The following MCC variants were observed in gnomAD, a reference collection of about 807,000 sequenced individuals.
MCC encodes the protein colorectal mutant cancer protein.
In MCC, 90 loss-of-function variants were observed where a neutral mutation model predicts 116.2. That is an observed-to-expected ratio of 0.77 (90% confidence interval 0.65 to 0.92). MCC has a LOEUF of 0.92. MCC is among the 40% of genes least tolerant of loss of function. MCC has a pLI of 0.00. For synonymous variants in MCC, 578 were observed against 510.5 expected, an observed-to-expected ratio of 1.13 and a Z score of -1.78; for missense variants, 1,516 against 1,312.2, an observed-to-expected ratio of 1.16 and a Z score of -2.40.
chr5:113,054,708 C>T (rs767905771), intron 14 of MCC, among the ~76,000 whole-genome samples: 20 of 152,168 alleles, frequency 1.3e-4, no homozygotes, highest in South Asian at 2.1e-4. Context: ...ATAGTGTTCA[C>T]TATAGGGACT....
At chr5:113,270,568 C>T (rs373911868) in intron 3 of MCC, among the ~76,000 whole-genome samples, 8 of 150,734 alleles carry the variant, frequency 5.3e-5, no homozygotes, top group African/African-American at 1.7e-4. Flanking sequence ...GTCCCCTTTG[C>T]ACCCACTGCA....
Position 113,104,080 on chromosome 5 carries a change from T to C in MCC, c.1191+112A>G, listed in dbSNP as rs762967480. ...GGCTCAATCTATTGTATGGCTCTCA[T>C]GGAAACATTCATCCCTAGTAAGTAT... On this transcript the variant is annotated intron_variant, in intron 7 of 18. Coordinates refer to ENST00000408903, the MANE Select transcript of MCC (RefSeq NM_001085377.2). The C allele has an allele frequency of 3.5e-6, 4 of 1,133,070 alleles. No homozygotes were observed. In the South Asian group the frequency reaches 5.3e-5, roughly 15 times the overall value. The allele number at this position is 1,133,070 out of a possible 1,614,324, so 70.2% of individuals were successfully genotyped here.
At chr5:113,116,278 A>G (rs1316061140) in intron 6 of MCC, among the ~76,000 whole-genome samples, 2 of 152,158 alleles carry the variant, frequency 1.3e-5, no homozygotes, top group Non-Finnish European at 1.5e-5. Context: ...GATCTGCAAA[A>G]TATTTTCTCA....
Position 113,104,554 on chromosome 5 carries a change from G to C in MCC, c.1028-199C>G, listed in dbSNP as rs532892207. The C allele has an allele frequency of 8.5e-4, 371 of 433,992 alleles. 2 individuals are homozygous for C. The highest frequency in any genetic ancestry group is 1.2e-4 in the Non-Finnish European group (29 of 246,258). 26.9% of individuals were successfully genotyped at this position (433,992 alleles called of 1,614,324 possible). ...AAGCTCTTTTTATTAAAGAGTTTCA[G>C]ATGATGGTCATTTTCTGAATTCTCT... On this transcript the variant is annotated intron_variant, in intron 6 of 18. Coordinates refer to ENST00000408903, the MANE Select transcript of MCC (RefSeq NM_001085377.2).
At chr5:113,440,702 T>A (rs1021903994) in intron 1 of MCC, among the ~76,000 whole-genome samples, 1 of 151,934 alleles carries the variant, frequency 6.6e-6, no homozygotes, top group Non-Finnish European at 1.5e-5. Flanking sequence ...GATGTCTATA[T>A]CCTTTAAGGG....
intron 8 of MCC, among the ~76,000 whole-genome samples, chr5:113,091,946 G>A (rs1361503832): frequency 1.3e-5 from 2 of 152,064 alleles, no homozygotes; most frequent in Non-Finnish European, 2.9e-5. Context: ...ATGGGATAGA[G>A]GCATCTCAGG....
intron 5 of MCC, among the ~76,000 whole-genome samples, chr5:113,132,083 C>CA (rs1758465379): frequency 7.0e-6 from 1 of 142,476 alleles, no homozygotes; most frequent in African/African-American, 2.9e-5. Flanking sequence ...GGGATATAAG[C>CA]GTTTTTTTAA....
At chr5:113,164,883 T>C (rs535188802) in intron 3 of MCC, among the ~76,000 whole-genome samples, 47 of 152,310 alleles carry the variant, frequency 3.1e-4, no homozygotes, top group African/African-American at 1.0e-3. Context: ...GGAGTTTCAG[T>C]GGGATCCCCA....
In MCC at chr5:113,078,180, A is replaced by G. The variant is rs6866429; in HGVS notation, c.1784+4680T>C. On this transcript the variant is annotated intron_variant, in intron 11 of 18. Coordinates refer to ENST00000408903, the MANE Select transcript of MCC (RefSeq NM_001085377.2). ...AATAATTAATAGCCTATCAACCAAA[A>G]GAAGTCCAGGACCAGACAGATTCAC... Among the ~76,000 whole-genome samples, 55 of 152,344 alleles carry G rather than the reference A, an allele frequency of 3.6e-4. 2 individuals carry two copies. Among genetic ancestry groups the G allele is most frequent in the African/African-American group, 1.3e-3 (52 of 41,574 alleles).
chr5:113,172,114 GAC>G (rs1379003068), intron 3 of MCC, among the ~76,000 whole-genome samples: 3 of 152,174 alleles, frequency 2.0e-5, no homozygotes, highest in Non-Finnish European at 4.4e-5. Context: ...AGAGAAAAGA[GAC>G]ACATACCAAT....
chr5:113,246,032 C>T (rs1466833870), intron 3 of MCC, among the ~76,000 whole-genome samples: 1 of 151,984 alleles, frequency 6.6e-6, no homozygotes, highest in Non-Finnish European at 1.5e-5. Flanking sequence ...AAATATTTCC[C>T]GAGGGGAAGA....
intron 1 of MCC, among the ~76,000 whole-genome samples, chr5:113,469,325 T>C (rs1387782820): frequency 3.9e-5 from 6 of 152,202 alleles, no homozygotes; most frequent in Non-Finnish European, 8.8e-5. Flanking sequence ...CGTTTAGTGC[T>C]AGAAATTTCC....
chr5:113,158,995 A>G (rs752955669), intron 3 of MCC, among the ~76,000 whole-genome samples: 6 of 152,074 alleles, frequency 3.9e-5, no homozygotes, highest in Non-Finnish European at 8.8e-5. Flanking sequence ...GGCTGAAGAC[A>G]TGGGAGAAGC....
chr5:113,408,825 G>T lies in MCC; in HGVS notation c.171-23613C>A, dbSNP rs186082408. Among the ~76,000 whole-genome samples the T allele has an allele frequency of 1.2e-3, 187 of 152,328 alleles. 1 individual carries two copies. The highest frequency in any genetic ancestry group is 4.3e-3 in the African/African-American group (177 of 41,564). ...GCTCCTTAGGACTGAGTAGAGCAAG[G>T]GAGCAGGAGATGGATGAACATGTAC... On this transcript the variant is annotated intron_variant, in intron 1 of 18. Transcript: ENST00000408903.
At chr5:113,032,688 C>T (rs1435450787) in intron 17 of MCC, among the ~76,000 whole-genome samples, 1 of 152,224 alleles carries the variant, frequency 6.6e-6, no homozygotes, top group Non-Finnish European at 1.5e-5. Flanking sequence ...CTAAGACCTA[C>T]TGGGCTGCAT....
At chr5:113,036,131 G>C (rs963122727) in intron 17 of MCC, among the ~76,000 whole-genome samples, 12 of 140,530 alleles carry the variant, frequency 8.5e-5, no homozygotes, top group African/African-American at 2.9e-4. Context: ...CCAACCCCTA[G>C]GGTTCAAGTG....
chr5:113,051,719 G>T (rs1167698842), intron 15 of MCC, among the ~76,000 whole-genome samples: 2 of 137,442 alleles, frequency 1.5e-5, no homozygotes, highest in Non-Finnish European at 3.3e-5. Context: ...GTGAGACCCT[G>T]TTTCAAAACA....
chr5:113,164,385 CTT>C (rs1206440107), intron 3 of MCC, among the ~76,000 whole-genome samples: 1 of 152,190 alleles, frequency 6.6e-6, no homozygotes, highest in Non-Finnish European at 1.5e-5. Flanking sequence ...AATTAGCTCT[CTT>C]TTATACTCCA....
At chr5:113,456,916 C>T (rs1174805735) in intron 1 of MCC, among the ~76,000 whole-genome samples, 2 of 152,102 alleles carry the variant, frequency 1.3e-5, no homozygotes, top group Non-Finnish European at 2.9e-5. Context: ...GGGTGCCTAA[C>T]CTCTATCTCA....
Sources: gnomAD v4.1 joint callset for allele counts (sites outside exome capture counted in the v4.1 genomes callset) on GRCh38, gnomAD v4.1.1 for gene constraint, MANE v1.5 for transcripts, NCBI Gene and HGNC (gene_info 2026-07-23, HGNC 2026-07-21) for gene names.